Variants in ST8SIA1 observed in about 807,000 individuals in gnomAD.
The protein encoded by ST8SIA1 is alpha-N-acetylneuraminide alpha-2,8-sialyltransferase.
Under a neutral mutation model 35.9 loss-of-function variants are expected in ST8SIA1, and 16 were observed. That is an observed-to-expected ratio of 0.45 (90% CI 0.30 to 0.68). ST8SIA1 has a LOEUF of 0.68. ST8SIA1 is among the 30% of genes least tolerant of loss of function. The pLI, the probability that ST8SIA1 is intolerant of heterozygous loss-of-function variation, is 0.09. For missense variants in ST8SIA1, 383 were observed against 453.6 expected, an observed-to-expected ratio of 0.84 and a Z score of 1.41; for synonymous variants, 170 against 169.6, an observed-to-expected ratio of 1.00 and a Z score of -0.02.
intron 1 of ST8SIA1, among the ~76,000 whole-genome samples, chr12:22,294,060 C>T (rs2160536): frequency 0.6 from 91,135 of 151,794 alleles, 28,304 homozygotes; most frequent in African/African-American, 0.76. Context: ...AGGGTCACTG[C>T]TGGCTGATGG....
chr12:22,286,636 T>G (rs1188729109), intron 2 of ST8SIA1: 1 of 455,774 alleles, frequency 2.2e-6, no homozygotes, highest in African/African-American at 2.0e-5. Context: ...AAGCAAAGCT[T>G]GATTTAGACC....
At chr12:22,304,130 T>G (rs1279430265) in intron 1 of ST8SIA1, among the ~76,000 whole-genome samples, 2 of 152,148 alleles carry the variant, frequency 1.3e-5, no homozygotes, top group Non-Finnish European at 2.9e-5. Context: ...TGATACTTGG[T>G]ACTTCTAAAA....
chr12:22,205,874 C>A (rs1865101898), intron 4 of ST8SIA1, among the ~76,000 whole-genome samples: 1 of 151,800 alleles, frequency 6.6e-6, no homozygotes, highest in African/African-American at 2.4e-5. Flanking sequence ...AATTTCATTA[C>A]CATGAAGAAT....
At position 22,201,416 on chromosome 12, in the gene ST8SIA1, T is replaced by C; in HGVS notation, c.*136A>G. On this transcript the variant is annotated 3_prime_UTR_variant, in exon 5 of 5. Coordinates refer to ENST00000396037, the MANE Select transcript of ST8SIA1 (RefSeq NM_003034.4). Reference sequence around the variant, plus strand: ...CCAACGCTGAAAGTAAAGTTTTGCTTGGATCTTCATTGCTCCTTTCCTGTT... The same window carrying C: ...CCAACGCTGAAAGTAAAGTTTTGCTCGGATCTTCATTGCTCCTTTCCTGTT... The C allele has an allele frequency of 8.1e-7, 1 of 1,238,510 alleles. No individual in the cohort carries two copies. Among genetic ancestry groups the C allele is most frequent in the East Asian group, 2.4e-5 (1 of 41,428 alleles). The allele number at this position is 1,238,510 out of a possible 1,614,324, so 76.7% of individuals were successfully genotyped here. A position where few individuals can be genotyped will look rare whatever the true frequency, so the allele number is the denominator to read the frequency against.
At chr12:22,229,964 G>A (rs1352581274) in intron 4 of ST8SIA1, among the ~76,000 whole-genome samples, 1 of 152,200 alleles carries the variant, frequency 6.6e-6, no homozygotes, top group South Asian at 2.1e-4. Context: ...GGGACATAGG[G>A]TGGAAAGAAT....
At chr12:22,314,532 C>G (rs1016441278) in intron 1 of ST8SIA1, among the ~76,000 whole-genome samples, 19 of 152,120 alleles carry the variant, frequency 1.2e-4, no homozygotes, top group African/African-American at 4.1e-4. Flanking sequence ...GAATAACTGG[C>G]TCAATTAGCA....
chr12:22,260,871 G>GT (rs201029008), intron 2 of ST8SIA1, among the ~76,000 whole-genome samples: 25 of 97,558 alleles, frequency 2.6e-4, no homozygotes, highest in African/African-American at 7.8e-4. Context: ...TTATATAGTT[G>GT]TTGTTTTTTT....
rs1055668432 is a variant in ST8SIA1 at position 22,218,513 on chromosome 12, G to A, written c.585-16475C>T. Among the ~76,000 whole-genome samples, 26 of 150,960 alleles carry A rather than the reference G, an allele frequency of 1.7e-4. No individual in the cohort carries two copies. In the East Asian group the frequency reaches 4.1e-3, roughly 24 times the overall value. Reference sequence around the variant, plus strand: ...GGCACCCATAATCCCAGCTACTCGCGAAGCTGAGACACAAGAATCGCTTGA... The same window carrying A: ...GGCACCCATAATCCCAGCTACTCGCAAAGCTGAGACACAAGAATCGCTTGA... On this transcript the variant is annotated intron_variant, in intron 4 of 4. Coordinates refer to ENST00000396037, the MANE Select transcript of ST8SIA1 (RefSeq NM_003034.4).
In ST8SIA1 at chr12:22,270,539, T is replaced by C. The variant is rs550631607; in HGVS notation, c.382-15150A>G. 2.6e-5 allele frequency among the ~76,000 whole-genome samples: 4 copies of C among 152,352 alleles called. No homozygotes were observed. The East Asian group carries it at 7.7e-4, about 29-fold the overall frequency. On this transcript the variant is annotated intron_variant, in intron 2 of 4. Transcript: ENST00000396037. ...TTACTAATTATTTCCAATTTAAAATTAAAATACTGAATTAAAACAAAAATA... is the reference window on the plus strand; with the variant it reads ...TTACTAATTATTTCCAATTTAAAATCAAAATACTGAATTAAAACAAAAATA...
chr12:22,288,647 G>A (rs1227204266), intron 1 of ST8SIA1, among the ~76,000 whole-genome samples: 1 of 152,162 alleles, frequency 6.6e-6, no homozygotes, highest in Admixed American at 6.5e-5. Context: ...CCTTCGTGAA[G>A]GTTTCAATGG....
chr12:22,248,493 G>T (rs1010409403), intron 4 of ST8SIA1, among the ~76,000 whole-genome samples: 1 of 149,972 alleles, frequency 6.7e-6, no homozygotes, highest in African/African-American at 2.5e-5. Context: ...TTTTACATCT[G>T]CTCTCCCAAA....
chr12:22,284,519 A>AT (rs910693825), intron 2 of ST8SIA1, among the ~76,000 whole-genome samples: 3 of 152,266 alleles, frequency 2.0e-5, no homozygotes, highest in Non-Finnish European at 4.4e-5. Context: ...GGAAAATACC[A>AT]TTTTTTCCAG....
chr12:22,206,703 C>T (rs1865114167), intron 4 of ST8SIA1, among the ~76,000 whole-genome samples: 1 of 152,180 alleles, frequency 6.6e-6, no homozygotes, highest in African/African-American at 2.4e-5. Context: ...GAGTAAAACC[C>T]ACCTGTTGAC....
Position 22,334,322 on chromosome 12 carries a change from C to G in ST8SIA1, c.-90G>C. ...GGAGGGTCCCCCACCGCCAGCCCCC[C>G]ATGCACACACACCTTTGGTTCTCTT... On this transcript the variant is annotated 5_prime_UTR_variant, in exon 1 of 5. An upstream start codon of the reference 5' UTR is lost. Coordinates refer to ENST00000396037, the MANE Select transcript of ST8SIA1 (RefSeq NM_003034.4). 5 of 937,760 alleles carry G rather than the reference C, an allele frequency of 5.3e-6. No individual in the cohort carries two copies. The highest frequency in any genetic ancestry group is 6.5e-6 in the Non-Finnish European group (4 of 619,882). The allele number at this position is 937,760 out of a possible 1,614,324, so 58.1% of individuals were successfully genotyped here. A position where few individuals can be genotyped will look rare whatever the true frequency, so the allele number is the denominator to read the frequency against.
At chr12:22,211,637 T>C (rs1181019882) in intron 4 of ST8SIA1, among the ~76,000 whole-genome samples, 2 of 152,238 alleles carry the variant, frequency 1.3e-5, no homozygotes, top group African/African-American at 2.4e-5. Flanking sequence ...TTATTAAATA[T>C]GTCCTTTTAA....
At chr12:22,320,967 G>GA (rs757074532) in intron 1 of ST8SIA1, among the ~76,000 whole-genome samples, 3 of 77,170 alleles carry the variant, frequency 3.9e-5, no homozygotes, top group Non-Finnish European at 7.7e-5. Context: ...GAGAAAGAAA[G>GA]AAAGAAAGAA....
chr12:22,287,009 A>T (rs1947332782), intron 2 of ST8SIA1, 140 bp downstream of exon 2: 1 of 731,456 alleles, frequency 1.4e-6, no homozygotes, highest in Non-Finnish European at 2.2e-6. Flanking sequence ...CACAGATGAC[A>T]GATATAAAGA....
intron 2 of ST8SIA1, among the ~76,000 whole-genome samples, chr12:22,285,137 T>G (rs1482765993): frequency 6.6e-6 from 1 of 152,248 alleles, no homozygotes; most frequent in African/African-American, 2.4e-5. Context: ...CTGCCTTTCC[T>G]GGACTTCTTC....
In ST8SIA1 at chr12:22,254,659, C is replaced by T. The variant is rs372405210; in HGVS notation, c.491+621G>A. Among the ~76,000 whole-genome samples the T allele has an allele frequency of 5.9e-5, 9 of 152,306 alleles. 1 individual carries two copies. In the East Asian group the frequency reaches 1.2e-3, roughly 20 times the overall value. On this transcript the variant is annotated intron_variant, in intron 3 of 4. Transcript: ENST00000396037. ...CCCCTACAATTTGGCAGTCTCTGTC[C>T]CTGGCTGAATATGTCTCAGCAATTC...
Sources: gnomAD v4.1 joint callset for allele counts (sites outside exome capture counted in the v4.1 genomes callset) on GRCh38, gnomAD v4.1.1 for gene constraint, MANE v1.5 for transcripts, NCBI Gene and HGNC (gene_info 2026-07-23, HGNC 2026-07-21) for gene names.